Variants in EPB41L4A observed in about 807,000 individuals in gnomAD.
EPB41L4A encodes erythrocyte membrane protein band 4.1 like 4A.
A neutral mutation model predicts 108.6 loss-of-function variants in EPB41L4A; 100 were observed. The ratio of observed to expected loss-of-function variants is 0.92; its 90% CI spans 0.78 to 1.09. The LOEUF (loss-of-function observed/expected upper bound fraction) is 1.09, where lower values mean the gene tolerates loss of function less well. EPB41L4A is among the 50% of genes least tolerant of loss of function. The pLI is 0.00. For missense variants in EPB41L4A, 1,030 were observed against 842.7 expected, an observed-to-expected ratio of 1.22 and a Z score of -2.75; for synonymous variants, 319 against 289.0, an observed-to-expected ratio of 1.10 and a Z score of -1.05.
chr5:112,307,281 T>C, intron 2 of EPB41L4A, 105 bp downstream of exon 2: 1 of 689,010 alleles, frequency 1.5e-6, no homozygotes, highest in South Asian at 2.0e-5. Context: ...TTCAAAGTCT[T>C]TTTCAGTGAC....
intron 1 of EPB41L4A, among the ~76,000 whole-genome samples, chr5:112,375,104 G>A (rs547020422): frequency 5.3e-5 from 8 of 152,214 alleles, no homozygotes; most frequent in African/African-American, 1.7e-4. Flanking sequence ...CTGTTTTGTC[G>A]TTGCTACTTT....
intron 1 of EPB41L4A, among the ~76,000 whole-genome samples, chr5:112,383,207 T>A (rs377636456): frequency 6.6e-6 from 1 of 152,190 alleles, no homozygotes; most frequent in East Asian, 1.9e-4. Flanking sequence ...AGTCAAGAAA[T>A]CTCAAAGGAG....
chr5:112,214,119 A>G (rs1348762632), intron 12 of EPB41L4A, among the ~76,000 whole-genome samples: 1 of 152,164 alleles, frequency 6.6e-6, no homozygotes, highest in Admixed American at 6.5e-5. Flanking sequence ...TCCCCTCATC[A>G]TACCACCTTC....
chr5:112,222,888 ACAGTGC>A (rs1282277266), intron 12 of EPB41L4A, among the ~76,000 whole-genome samples: 3 of 151,656 alleles, frequency 2.0e-5, no homozygotes. Flanking sequence ...AAAGACCAGC[ACAGTGC>A]CAGTGACCCA....
chr5:112,207,252 C>T (rs1380890764), intron 13 of EPB41L4A, among the ~76,000 whole-genome samples: 1 of 152,160 alleles, frequency 6.6e-6, no homozygotes, highest in East Asian at 1.9e-4. Context: ...GGACCTCTTC[C>T]TTTTACTATA....
chr5:112,261,463 C>T (rs2150442469), intron 7 of EPB41L4A, among the ~76,000 whole-genome samples: 1 of 152,274 alleles, frequency 6.6e-6, no homozygotes, highest in South Asian at 2.1e-4. Context: ...GAATAAAGTA[C>T]CTGGCTCATT....
chr5:112,339,486 A>ATCTATATC (rs34517978), intron 1 of EPB41L4A, among the ~76,000 whole-genome samples: 8 of 72,674 alleles, frequency 1.1e-4, no homozygotes, highest in African/African-American at 3.4e-4. Context: ...ATATATATAT[A>ATCTATATC]TATATATATC....
chr5:112,222,874 C>T (rs1748166256), intron 12 of EPB41L4A, among the ~76,000 whole-genome samples: 1 of 151,988 alleles, frequency 6.6e-6, no homozygotes, highest in Admixed American at 6.6e-5. Context: ...TGGACTCCTG[C>T]TCCAAAGACC....
chr5:112,258,279 C>T (rs938828360), intron 9 of EPB41L4A, among the ~76,000 whole-genome samples: 1 of 152,200 alleles, frequency 6.6e-6, no homozygotes, highest in African/African-American at 2.4e-5. Context: ...GTACCTACTA[C>T]ATGTGAGGCA....
At position 112,352,471 on chromosome 5, in the gene EPB41L4A, T is replaced by C. The variant is rs145521633; in HGVS notation, c.100-44981A>G. Among the ~76,000 whole-genome samples, 85 of 152,352 alleles carry C rather than the reference T, an allele frequency of 5.6e-4. No individual in the cohort carries two copies. In the East Asian group the frequency reaches 0.014, roughly 26 times the overall value. On this transcript the variant is annotated intron_variant, in intron 1 of 22. Transcript: ENST00000261486. Reference sequence around the variant, plus strand: ...TATTCCATTGTGGTCTAAGAAGATATATGATATAATTGCATTTTTTAAAAA... The same window carrying C: ...TATTCCATTGTGGTCTAAGAAGATACATGATATAATTGCATTTTTTAAAAA...
chr5:112,292,613 C>T (rs1304932904), intron 2 of EPB41L4A, among the ~76,000 whole-genome samples: 1 of 152,114 alleles, frequency 6.6e-6, no homozygotes, highest in African/African-American at 2.4e-5. Flanking sequence ...TTAGTACATG[C>T]AGCAAATTTG....
At chr5:112,285,842 T>C (rs1174769749) in intron 2 of EPB41L4A, among the ~76,000 whole-genome samples, 2 of 152,188 alleles carry the variant, frequency 1.3e-5, no homozygotes, top group Non-Finnish European at 2.9e-5. Flanking sequence ...GGACTCTACA[T>C]GTGTTTACTC....
chr5:112,322,469 G>C (rs1259896122), intron 1 of EPB41L4A, among the ~76,000 whole-genome samples: 1 of 152,164 alleles, frequency 6.6e-6, no homozygotes, highest in Non-Finnish European at 1.5e-5. Flanking sequence ...ACCCACCTGG[G>C]TAAACCACAG....
chr5:112,353,186 G>C (rs748620591), intron 1 of EPB41L4A, among the ~76,000 whole-genome samples: 6 of 152,178 alleles, frequency 3.9e-5, no homozygotes, highest in Non-Finnish European at 8.8e-5. Flanking sequence ...AGCTAGACCA[G>C]TCCTCAGGCC....
chr5:112,172,382 T>C (rs1196172096), intron 18 of EPB41L4A, among the ~76,000 whole-genome samples: 1 of 151,948 alleles, frequency 6.6e-6, no homozygotes, highest in Non-Finnish European at 1.5e-5. Flanking sequence ...CATGGTGGCA[T>C]GTGCCTGTAA....
chr5:112,408,712 AAAAAAAGG>A (rs1762238406), intron 1 of EPB41L4A, among the ~76,000 whole-genome samples: 2 of 66,716 alleles, frequency 3.0e-5, no homozygotes, highest in Admixed American at 3.5e-4. Context: ...AAAAAAAAAA[AAAAAAAGG>A]GCCAGTAAGC....
At chr5:112,297,572 C>G (rs1055743663) in intron 2 of EPB41L4A, among the ~76,000 whole-genome samples, 1 of 152,092 alleles carries the variant, frequency 6.6e-6, no homozygotes, top group African/African-American at 2.4e-5. Flanking sequence ...TCTTCTCCCA[C>G]TCTGTGGGCT....
intron 12 of EPB41L4A, among the ~76,000 whole-genome samples, chr5:112,153,092 G>A (rs1214278607): frequency 7.2e-5 from 11 of 152,012 alleles, no homozygotes. Context: ...GGTGTTGTGG[G>A]CCTGTGGTCC....
chr5:112,342,763 T>C (rs1757398495), intron 1 of EPB41L4A, among the ~76,000 whole-genome samples: 1 of 152,110 alleles, frequency 6.6e-6, no homozygotes, highest in African/African-American at 2.4e-5. Context: ...ATGCTGCCAG[T>C]TGGCAGACTG....
Sources: gnomAD v4.1 joint callset for allele counts (sites outside exome capture counted in the v4.1 genomes callset) on GRCh38, gnomAD v4.1.1 for gene constraint, MANE v1.5 for transcripts, NCBI Gene and HGNC (gene_info 2026-07-23, HGNC 2026-07-21) for gene names.